The following HORMAD2 variants were observed in gnomAD, a reference collection of about 807,000 sequenced individuals.
The protein encoded by HORMAD2 is HORMA domain-containing protein 2.
In HORMAD2, 45 loss-of-function variants were observed where a neutral mutation model predicts 38.8. The ratio of observed to expected loss-of-function variants is 1.16; its 90% confidence interval spans 0.91 to 1.49. The LOEUF is 1.49. Ranked by LOEUF, HORMAD2 falls within the 40% of genes most tolerant of loss-of-function variation. The probability of loss-of-function intolerance (pLI) is 0.00; values close to 1 mark genes in which losing one functional copy is unlikely to be tolerated. For synonymous variants in HORMAD2, 126 were observed against 122.8 expected, an observed-to-expected ratio of 1.03 and a Z score of -0.17; for missense variants, 338 against 367.0, an observed-to-expected ratio of 0.92 and a Z score of 0.65.
At position 30,122,003 on chromosome 22, in the gene HORMAD2, G is replaced by A; in HGVS notation, c.608G>A (p.Gly203Glu). The A allele has an allele frequency of 6.2e-7, 1 of 1,612,444 alleles. No individual in the cohort carries two copies. The highest frequency in any genetic ancestry group is 1.7e-5 in the Admixed American group (1 of 59,716). The change falls in exon 10 of 11, where the codon GGG becomes GAG. Residue 203 changes from glycine to glutamate, a missense_variant. By Grantham distance (98) the Gly-to-Glu change is moderately conservative (BLOSUM62 -2). Coordinates refer to ENST00000336726, the MANE Select transcript of HORMAD2 (RefSeq NM_152510.4). ...HDYQPLGFKEGVNSHFLLFDK... is the reference protein window; with the variant it reads ...HDYQPLGFKEEVNSHFLLFDK... ...TACCAACCCCTCGGTTTTAAAGAAG[G>A]GGTAAATTCACACTTCCTGCTGTTT...
chr22:30,193,974 G>C, the HORMAD2 span, among the ~76,000 whole-genome samples: 1 of 152,176 alleles, frequency 6.6e-6, no homozygotes, highest in Non-Finnish European at 1.5e-5. Context: ...ACATGGAATA[G>C]CAGATCCCCA....
chr22:30,136,033 T>C (rs73883371), intron 10 of HORMAD2, among the ~76,000 whole-genome samples: 11,853 of 152,254 alleles, frequency 0.078, 538 homozygotes, highest in African/African-American at 0.092. Context: ...ACAGCTGTTA[T>C]ACCAAGTACA....
intron 10 of HORMAD2, among the ~76,000 whole-genome samples, chr22:30,145,255 G>GA (rs1924342553): frequency 6.6e-6 from 1 of 152,152 alleles, no homozygotes; most frequent in Admixed American, 6.5e-5. Context: ...TATAGGCACA[G>GA]AAAAAAATCA....
intron 7 of HORMAD2, among the ~76,000 whole-genome samples, chr22:30,116,801 T>C (rs141555528): frequency 6.6e-6 from 1 of 152,184 alleles, no homozygotes; most frequent in East Asian, 1.9e-4. Context: ...CCTACTCTTG[T>C]TACAATTTAA....
intron 8 of HORMAD2, 32 bp from the exon 9 acceptor site, chr22:30,121,600 T>C (rs1922434349): frequency 2.0e-6 from 3 of 1,526,624 alleles, no homozygotes; most frequent in Admixed American, 2.2e-5. Flanking sequence ...CTATTGTATA[T>C]GATCAAAAAG....
At chr22:30,087,973 C>A (rs147380756) in intron 1 of HORMAD2, among the ~76,000 whole-genome samples, 1,927 of 151,544 alleles carry the variant, frequency 0.013, 16 homozygotes, top group African/African-American at 0.019. Flanking sequence ...CTCTCTCTCT[C>A]TCTATATATA....
At chr22:30,161,214 T>A (rs1464842458) in intron 10 of HORMAD2, among the ~76,000 whole-genome samples, 1 of 152,232 alleles carries the variant, frequency 6.6e-6, no homozygotes, top group East Asian at 1.9e-4. Flanking sequence ...ACAATTTTCA[T>A]ACCAAAGTGG....
chr22:30,109,767 A>G (rs1921487709), intron 5 of HORMAD2, among the ~76,000 whole-genome samples: 1 of 152,234 alleles, frequency 6.6e-6, no homozygotes, highest in African/African-American at 2.4e-5. Flanking sequence ...GACATATAAG[A>G]TGTTTTTACT....
chr22:30,180,765 CTTCCCTTCCCTTCCT>C (rs1926662531), downstream of HORMAD2, among the ~76,000 whole-genome samples: 2 of 151,344 alleles, frequency 1.3e-5, no homozygotes, highest in South Asian at 4.2e-4. Context: ...CTTTCTTCCC[CTTCCCTTCCCTTCCT>C]TTCCCTTCCC....
chr22:30,198,898 A>C, the HORMAD2 span, among the ~76,000 whole-genome samples: 1 of 152,248 alleles, frequency 6.6e-6, no homozygotes, highest in Non-Finnish European at 1.5e-5. Context: ...CCAGTGGCAC[A>C]TGACTGCTTG....
At chr22:30,119,086 G>A (rs1441989913) in intron 8 of HORMAD2, 39 bp downstream of exon 8, 11 of 1,382,150 alleles carry the variant, frequency 8.0e-6, no homozygotes, top group Non-Finnish European at 1.1e-5. Context: ...GAAATAAATA[G>A]GATTGAGGTA....
chr22:30,183,436 G>A, the HORMAD2 span, among the ~76,000 whole-genome samples: 2 of 152,102 alleles, frequency 1.3e-5, no homozygotes, highest in Non-Finnish European at 2.9e-5. Flanking sequence ...CTGCATGCCC[G>A]TGGTGGGACC....
intron 5 of HORMAD2, among the ~76,000 whole-genome samples, chr22:30,108,884 A>T (rs926880291): frequency 2.0e-5 from 3 of 151,664 alleles, no homozygotes; most frequent in Admixed American, 6.6e-5. Flanking sequence ...TGGTTCTGAA[A>T]TTTTTTTTCT....
the HORMAD2 span, among the ~76,000 whole-genome samples, chr22:30,184,360 C>G: frequency 0.041 from 6,189 of 152,228 alleles, 363 homozygotes; most frequent in South Asian, 0.23. Flanking sequence ...TGCAAGTTTG[C>G]TAATATAACT....
chr22:30,161,725 A>T (rs1397527541), intron 10 of HORMAD2, among the ~76,000 whole-genome samples: 1 of 152,080 alleles, frequency 6.6e-6, no homozygotes, highest in Non-Finnish European at 1.5e-5. Flanking sequence ...ATTTTTTTAA[A>T]TGTTCTTTTT....
chr22:30,188,629 C>G, the HORMAD2 span, among the ~76,000 whole-genome samples: 1 of 152,212 alleles, frequency 6.6e-6, no homozygotes, highest in Non-Finnish European at 1.5e-5. Context: ...ATCCAATGTT[C>G]TAACTTGAAT....
intron 6 of HORMAD2, 105 bp from the exon 7 acceptor site, chr22:30,112,391 C>T (rs1921731563): frequency 3.1e-6 from 2 of 639,006 alleles, no homozygotes; most frequent in South Asian, 1.8e-5. Flanking sequence ...TATGTCTGTA[C>T]TCAACTAATA....
Position 30,122,063 on chromosome 22 carries a change from T to C in HORMAD2, c.668T>C (p.Val223Ala), listed in dbSNP as rs1218115756. The C allele has an allele frequency of 6.2e-7, 1 of 1,613,712 alleles. No individual in the cohort carries two copies. Reference protein sequence around the residue: ...KEPINVQVGFVSTGFHSMKVK... With the variant: ...KEPINVQVGFASTGFHSMKVK... The stretch of plus-strand genomic sequence containing the variant: ...CCTATCAACGTGCAAGTGGGATTTG[T>C]CTCCACTGGCTTTCATAGCATGAAA... The change falls in exon 10 of 11, where the codon GTC (valine) becomes GCC (alanine). Residue 223 changes from valine to alanine, a missense_variant. Val to Ala is a moderately conservative substitution (Grantham distance 64). Coordinates refer to ENST00000336726, the MANE Select transcript of HORMAD2 (RefSeq NM_152510.4).
chr22:30,171,183 C>T (rs1465898395), intron 10 of HORMAD2, among the ~76,000 whole-genome samples: 1 of 152,154 alleles, frequency 6.6e-6, no homozygotes, highest in Non-Finnish European at 1.5e-5. Flanking sequence ...AATAAGCAAA[C>T]TCTTCCACAC....
Sources: allele counts gnomAD v4.1 joint callset (sites outside exome capture counted in the v4.1 genomes callset), GRCh38; gene constraint gnomAD v4.1.1; transcripts MANE v1.5; gene names NCBI Gene and HGNC (gene_info 2026-07-23, HGNC 2026-07-21).